The following DDX17 variants were observed in gnomAD, a reference collection of about 807,000 sequenced individuals.
The protein encoded by DDX17 is probable ATP-dependent RNA helicase DDX17.
A neutral mutation model predicts 80.8 loss-of-function variants in DDX17; 10 were observed. The observed-to-expected ratio is 0.12, with a 90% CI of 0.08 to 0.21. The LOEUF is 0.21. Ranked by LOEUF, DDX17 falls within the 10% of genes least tolerant of loss-of-function variation. The probability of loss-of-function intolerance (pLI) is 1.00; values close to 1 mark genes in which losing one functional copy is unlikely to be tolerated. For missense variants in DDX17, 586 were observed against 957.4 expected (o/e 0.61, Z 5.12); for synonymous variants, 339 against 336.2 (o/e 1.01, Z -0.09).
At position 38,485,169 on chromosome 22, in the gene DDX17, C is replaced by T. The variant is rs2089642286; in HGVS notation, c.*766G>A. ...GGGAAGAAATATAGGCAGCTTCCACCCAGATGCTGAGATGCTACAGTTTAA... is the reference window on the plus strand; with the variant it reads ...GGGAAGAAATATAGGCAGCTTCCACTCAGATGCTGAGATGCTACAGTTTAA... On this transcript the variant is annotated 3_prime_UTR_variant, in exon 13 of 13. Transcript: ENST00000403230. 6.6e-6 allele frequency: 1 copy of T among 152,094 alleles called. No homozygotes were observed. Among genetic ancestry groups the T allele is most frequent in the Non-Finnish European group, 1.5e-5 (1 of 68,026 alleles). The allele number at this position is 152,094 out of a possible 1,614,324, so 9.4% of individuals were successfully genotyped here.
At position 38,485,216 on chromosome 22, in the gene DDX17, G is replaced by C. The variant is rs2089642787; in HGVS notation, c.*719C>G. On this transcript the variant is annotated 3_prime_UTR_variant, in exon 13 of 13. Transcript: ENST00000403230. ...TTAACCACTACAATAAACACTTGTG[G>C]TTTTTAATTTAAAGGATACACAAAA... The C allele has an allele frequency of 6.6e-6, 1 of 152,118 alleles. No individual in the cohort carries two copies. The highest frequency in any genetic ancestry group is 6.5e-5 in the Admixed American group (1 of 15,276). The allele number at this position is 152,118 out of a possible 1,614,324, so 9.4% of individuals were successfully genotyped here.
At chr22:38,496,683 T>TA (rs2089771441) in intron 5 of DDX17, among the ~76,000 whole-genome samples, 1 of 152,090 alleles carries the variant, frequency 6.6e-6, no homozygotes, top group Admixed American at 6.6e-5. Context: ...CATCCTGACT[T>TA]AAACTGGCAG....
At chr22:38,499,377 G>C (rs369716778) in intron 3 of DDX17, 23 bp downstream of exon 3, 1 of 1,583,772 alleles carries the variant, frequency 6.3e-7, no homozygotes, top group South Asian at 1.1e-5. Flanking sequence ...ACAAATTAAG[G>C]TTCTAGATTG....
rs765076582 is a variant in DDX17, at chr22:38,494,623, T to A, written c.1214+7A>T. Reference sequence around the variant, plus strand: ...ATTATCAAATCAGAGTAAAATATCTTTCATACTTGTGGTCTTTTTCACTTT... The same window carrying A: ...ATTATCAAATCAGAGTAAAATATCTATCATACTTGTGGTCTTTTTCACTTT... On this transcript the variant is annotated splice_region_variant and intron_variant, in intron 8 of 12. Transcript: ENST00000403230. 3.7e-6 allele frequency: 6 copies of A among 1,613,316 alleles called. No homozygotes were observed. In the African/African-American group the frequency reaches 8.0e-5, roughly 22 times the overall value.
At chr22:38,500,955 AC>A (rs1569142784) in intron 2 of DDX17, among the ~76,000 whole-genome samples, 174 bp downstream of exon 2, 2 of 143,840 alleles carry the variant, frequency 1.4e-5, no homozygotes, top group African/African-American at 5.1e-5. Context: ...ATATGGCGAA[AC>A]CCGGTCTCTA....
rs1339287398 is a variant in DDX17 at position 38,506,067 on chromosome 22, C to G, written c.171G>C (p.Pro57=). The change falls in exon 1 of 13, where the codon CCG becomes CCC. Residue 57 remains proline (P), a synonymous_variant. Transcript: ENST00000403230. ...CCGGGCTCGGGAGGGCCTGCGGCTCCGGTCTGGTGACGACCGATGGCGGCG... is the reference window on the plus strand; with the variant it reads ...CCGGGCTCGGGAGGGCCTGCGGCTCGGGTCTGGTGACGACCGATGGCGGCG... 1.0e-5 allele frequency: 16 copies of G among 1,584,966 alleles called. No individual in the cohort carries two copies. The highest frequency in any genetic ancestry group is 1.7e-4 in the Middle Eastern group (1 of 6,026).
rs774473220 is a variant in DDX17 at position 38,506,018 on chromosome 22, G to A, written c.220C>T (p.Leu74Phe). Reference sequence around the variant, plus strand: ...CCGCGCATGGTCCCAAAAGGATAGAGATCTGGGAGCGGGGCACGGATGGCC... The same window carrying A: ...CCGCGCATGGTCCCAAAAGGATAGAAATCTGGGAGCGGGGCACGGATGGCC... Residue 74 changes from leucine to phenylalanine, a missense_variant, in exon 1 of 13, where the codon CTC (leucine) becomes TTC (phenylalanine). Physicochemically the swap from Leu to Phe is conservative, Grantham distance 22 (BLOSUM62 0). This residue lies in a region of DDX17 where 215 missense variants were observed against 238.4 expected (regional missense o/e 0.90). Transcript: ENST00000403230. The A allele has an allele frequency of 7.6e-5, 121 of 1,591,886 alleles. No homozygotes were observed. Among genetic ancestry groups the A allele is most frequent in the Middle Eastern group, 1.7e-4 (1 of 6,036 alleles).
chr22:38,498,661 T>C (rs984241598), intron 3 of DDX17, 88 bp from the exon 4 acceptor site: 2 of 1,418,418 alleles, frequency 1.4e-6, no homozygotes, highest in Non-Finnish European at 1.9e-6. Flanking sequence ...TCACTGAAGA[T>C]AAGATTTACC....
chr22:38,495,175 G>C, intron 6 of DDX17, 129 bp from the exon 7 acceptor site: 1 of 802,980 alleles, frequency 1.2e-6, no homozygotes, highest in South Asian at 1.8e-5. Flanking sequence ...GGTCAACATA[G>C]CAAGACCCCG....
At chr22:38,503,149 G>A (rs1353081751) in intron 1 of DDX17, among the ~76,000 whole-genome samples, 1 of 152,068 alleles carries the variant, frequency 6.6e-6, no homozygotes, top group Non-Finnish European at 1.5e-5. Flanking sequence ...CCGTGTCAGC[G>A]ACATATTTAA....
In DDX17 at chr22:38,484,248, G is replaced by C. The variant is rs1299485003; in HGVS notation, c.*1687C>G. The C allele has an allele frequency of 6.7e-6, 1 of 150,112 alleles. No individual in the cohort carries two copies. The highest frequency in any genetic ancestry group is 1.5e-5 in the Non-Finnish European group (1 of 67,504). 9.3% of individuals were successfully genotyped at this position (150,112 alleles called of 1,614,324 possible). A position where few individuals can be genotyped will look rare whatever the true frequency, so the allele number is the denominator to read the frequency against. ...TTGGCCTCAACTTCTGTAAGATGGGGGGGGGACAAAAAGAGAAGTAAAGTT... is the reference window on the plus strand; with the variant it reads ...TTGGCCTCAACTTCTGTAAGATGGGCGGGGGACAAAAAGAGAAGTAAAGTT... On this transcript the variant is annotated 3_prime_UTR_variant, in exon 13 of 13. Transcript: ENST00000403230.
rs1010636753 is a variant in DDX17 at position 38,486,422 on chromosome 22, C to T, written c.1703G>A (p.Arg568Gln). 3 of 1,608,882 alleles carry T rather than the reference C, an allele frequency of 1.9e-6. No homozygotes were observed. Among genetic ancestry groups the T allele is most frequent in the South Asian group, 1.1e-5 (1 of 90,482 alleles). Residue 568 changes from arginine (R) to glutamine (Q), a missense_variant, in exon 13 of 13, where the codon CGG (arginine) becomes CAG (glutamine). Transcript: ENST00000403230. The stretch of plus-strand genomic sequence containing the variant: ...GGGATTGTTGGCTGAAGAAGTGGTC[C>T]GGTAACGAGAACGACCACCTAATGG...
chr22:38,488,654 T>G (rs897313271), intron 11 of DDX17: 1 of 987,476 alleles, frequency 1.0e-6, no homozygotes, highest in Admixed American at 6.0e-5. Context: ...GAAACTTAAA[T>G]GTTTTGATTA....
At chr22:38,495,997 A>AAAG in intron 5 of DDX17, 60 bp from the exon 6 acceptor site, 6 of 1,376,244 alleles carry the variant, frequency 4.4e-6, no homozygotes, top group East Asian at 2.5e-5. Context: ...AAAAAAAAAA[A>AAAG]AAGAAGAAAC....
rs557786864 is a variant in DDX17, at chr22:38,492,357, A to AT, written c.1388-243dup. Among the ~76,000 whole-genome samples, 5 of 152,286 alleles carry AT rather than the reference A, an allele frequency of 3.3e-5. No homozygotes were observed. The East Asian group carries it at 5.8e-4, about 18-fold the overall frequency. ...TTGTTACATAATTAATATGAGCTAGATTTTTTTCCCCTTAAAGTTATTTCC... is the reference window on the plus strand; with the variant it reads ...TTGTTACATAATTAATATGAGCTAGATTTTTTTTCCCCTTAAAGTTATTTCC... On this transcript the variant is annotated intron_variant, in intron 10 of 12. Transcript: ENST00000403230.
chr22:38,492,782 G>A (rs541393264), intron 10 of DDX17, among the ~76,000 whole-genome samples: 48 of 152,158 alleles, frequency 3.2e-4, no homozygotes, highest in South Asian at 2.7e-3. Context: ...CACTGTGTCC[G>A]GCCACATTTT....
chr22:38,483,727 C>G lies in DDX17; in HGVS notation c.*2208G>C, dbSNP rs1415760325. The G allele has an allele frequency of 6.6e-6, 1 of 152,350 alleles. No homozygotes were observed. Among genetic ancestry groups the G allele is most frequent in the Non-Finnish European group, 1.5e-5 (1 of 68,042 alleles). 9.4% of individuals were successfully genotyped at this position (152,350 alleles called of 1,614,324 possible). ...GGGAGAAGCAGCCCATTGCTTAATA[C>G]ATTGGAACCCTTTCCCTAAGTTGAG... On this transcript the variant is annotated 3_prime_UTR_variant, in exon 13 of 13. Transcript: ENST00000403230.
rs144573846 is a variant in DDX17 at position 38,499,418 on chromosome 22, G to A, written c.520C>T (p.His174Tyr). ...CACTTACGTGGGAAGTTAGCATGAT[G>A]GAAGGCAAACACGGGTTTAGGACAA... The change falls in exon 3 of 13, where the codon CAT becomes TAT. Residue 174 changes from histidine (H) to tyrosine (Y), a missense_variant. Coordinates refer to ENST00000403230, the MANE Select transcript of DDX17 (RefSeq NM_006386.5). 3.5e-4 allele frequency: 563 copies of A among 1,613,620 alleles called. 1 individual carries two copies. Among genetic ancestry groups the A allele is most frequent in the Non-Finnish European group, 3.5e-4 (411 of 1,179,684 alleles).
At chr22:38,491,861 G>T in intron 11 of DDX17, 195 bp downstream of exon 11, 1 of 447,258 alleles carries the variant, frequency 2.2e-6, no homozygotes. Flanking sequence ...AAGGGGGGTG[G>T]GGGAAACCAA....
Sources: gnomAD v4.1 joint callset for allele counts (sites outside exome capture counted in the v4.1 genomes callset) on GRCh38, gnomAD v4.1.1 for gene constraint, gnomAD v4.1.1 regional missense constraint, MANE v1.5 for transcripts, NCBI Gene and HGNC (gene_info 2026-07-23, HGNC 2026-07-21) for gene names.